Variants in TEKT5 observed in about 807,000 individuals in gnomAD.
TEKT5 encodes the protein tektin 5, also known as tektin-5.
Under a neutral mutation model 48.7 loss-of-function variants are expected in TEKT5, and 52 were observed. That is an observed-to-expected ratio of 1.07 (90% CI 0.86 to 1.35). TEKT5 has a LOEUF of 1.35. Ranked by LOEUF, TEKT5 falls within the 40% of genes most tolerant of loss-of-function variation. The pLI is 0.00. For synonymous variants in TEKT5, 318 were observed against 267.6 expected, an observed-to-expected ratio of 1.19 and a Z score of -1.84; for missense variants, 831 against 641.6, an observed-to-expected ratio of 1.30 and a Z score of -3.19.
At chr16:10,637,742 C>A (rs560586701) in intron 5 of TEKT5, among the ~76,000 whole-genome samples, 1 of 152,204 alleles carries the variant, frequency 6.6e-6, no homozygotes, top group Non-Finnish European at 1.5e-5. Flanking sequence ...CAATGAAAAT[C>A]AGAAAAAGTC....
In TEKT5 at chr16:10,694,851, T is replaced by G; in HGVS notation, c.23A>C (p.Gln8Pro). Residue 8 changes from glutamine (Q) to proline (P), a missense_variant, in exon 1 of 7, where the codon CAG becomes CCG. Physicochemically the swap from Gln to Pro is moderately conservative, Grantham distance 76 (BLOSUM62 -1). Coordinates refer to ENST00000283025, the MANE Select transcript of TEKT5 (RefSeq NM_144674.2). Reference sequence around the variant, plus strand: ...CTTGGGACCACAGTAACTGGCGGTCTGAGTAGTCCCAAGAAACTCCATCCT... The same window carrying G: ...CTTGGGACCACAGTAACTGGCGGTCGGAGTAGTCCCAAGAAACTCCATCCT... MEFLGTT[Q>P]TASYCGPKKC... 3.8e-6 allele frequency: 6 copies of G among 1,572,886 alleles called. No homozygotes were observed. Among genetic ancestry groups the G allele is most frequent in the Non-Finnish European group, 5.2e-6 (6 of 1,162,214 alleles).
chr16:10,662,409 GCAA>G (rs1898389379), intron 5 of TEKT5, among the ~76,000 whole-genome samples: 1 of 152,172 alleles, frequency 6.6e-6, no homozygotes, highest in African/African-American at 2.4e-5. Context: ...TCCTAAGTCA[GCAA>G]CAACGAGGAG....
At chr16:10,692,867 G>A (rs990382518) in intron 1 of TEKT5, 5 of 152,282 alleles carry the variant, frequency 3.3e-5, no homozygotes, top group Non-Finnish European at 5.9e-5. Context: ...ACAGAGAGAG[G>A]AGCCTGGGTC....
chr16:10,646,068 C>A (rs1475737638), intron 5 of TEKT5, among the ~76,000 whole-genome samples: 1 of 151,782 alleles, frequency 6.6e-6, no homozygotes, highest in Admixed American at 6.6e-5. Context: ...AGGTCGAGGT[C>A]GCACTCAGCT....
chr16:10,629,596 A>G (rs997598170), intron 6 of TEKT5, among the ~76,000 whole-genome samples: 14 of 152,148 alleles, frequency 9.2e-5, no homozygotes, highest in Non-Finnish European at 1.5e-4. Context: ...CCTTGTCTAG[A>G]TAAGAGCCTC....
chr16:10,689,516 T>G (rs906088004), intron 2 of TEKT5, among the ~76,000 whole-genome samples, 193 bp from the exon 3 acceptor site: 1 of 122,714 alleles, frequency 8.1e-6, no homozygotes, highest in African/African-American at 3.1e-5. Flanking sequence ...TTGTGGAGGC[T>G]CCACCTTTTT....
chr16:10,674,227 C>T (rs17762887), intron 5 of TEKT5, among the ~76,000 whole-genome samples: 10,020 of 152,136 alleles, frequency 0.066, 488 homozygotes, highest in South Asian at 0.21. Flanking sequence ...GATCTGTTCT[C>T]GGTGGCAACG....
At chr16:10,650,720 C>T (rs1257294972) in intron 5 of TEKT5, among the ~76,000 whole-genome samples, 2 of 151,904 alleles carry the variant, frequency 1.3e-5, no homozygotes, top group African/African-American at 2.4e-5. Flanking sequence ...CCCGTCTCTA[C>T]TAAAAATACA....
At chr16:10,632,881 C>CAT (rs1567223575) in intron 6 of TEKT5, among the ~76,000 whole-genome samples, 1 of 147,392 alleles carries the variant, frequency 6.8e-6, no homozygotes, top group Non-Finnish European at 1.5e-5. Flanking sequence ...CACACACACA[C>CAT]ACACACACAC....
At chr16:10,687,114 G>T (rs957294530) in intron 3 of TEKT5, among the ~76,000 whole-genome samples, 1 of 152,154 alleles carries the variant, frequency 6.6e-6, no homozygotes, top group Non-Finnish European at 1.5e-5. Flanking sequence ...TGGTCAAAGG[G>T]TACAAATTTC....
intron 3 of TEKT5, among the ~76,000 whole-genome samples, chr16:10,686,273 C>G (rs552145330): frequency 9.9e-5 from 15 of 152,206 alleles, no homozygotes; most frequent in Middle Eastern, 3.4e-3. Flanking sequence ...CTATCTCACA[C>G]TGCAGACAAA....
intron 5 of TEKT5, among the ~76,000 whole-genome samples, chr16:10,655,192 G>A (rs745878400): frequency 7.2e-5 from 11 of 151,958 alleles, no homozygotes; most frequent in Non-Finnish European, 1.2e-4. Flanking sequence ...CATGCTGAAC[G>A]GGTAACTCAA....
intron 4 of TEKT5, among the ~76,000 whole-genome samples, chr16:10,679,497 T>G (rs997567301): frequency 6.6e-6 from 1 of 150,904 alleles, no homozygotes; most frequent in Non-Finnish European, 1.5e-5. Flanking sequence ...ATCATTATCA[T>G]CATTGTTAAT....
intron 5 of TEKT5, among the ~76,000 whole-genome samples, chr16:10,656,506 G>C (rs1898265057): frequency 6.6e-6 from 1 of 151,786 alleles, no homozygotes. Flanking sequence ...ACCCGCCTTG[G>C]CCTCCCAAAG....
chr16:10,663,422 C>A (rs540185273), intron 5 of TEKT5, among the ~76,000 whole-genome samples: 23 of 152,282 alleles, frequency 1.5e-4, no homozygotes, highest in African/African-American at 1.9e-4. Context: ...TTCCAAATTG[C>A]ATGAAGCCAA....
chr16:10,682,665 C>T (rs1167618990), intron 3 of TEKT5, among the ~76,000 whole-genome samples: 2 of 152,198 alleles, frequency 1.3e-5, no homozygotes, highest in Non-Finnish European at 2.9e-5. Context: ...TAAGCACTTA[C>T]CGTAAAGGGT....
intron 6 of TEKT5, among the ~76,000 whole-genome samples, chr16:10,630,836 T>C (rs1265249028): frequency 6.6e-6 from 1 of 151,594 alleles, no homozygotes; most frequent in Non-Finnish European, 1.5e-5. Flanking sequence ...CTGGTCAACA[T>C]GGTGGCAAAA....
intron 5 of TEKT5, 144 bp from the exon 6 acceptor site, chr16:10,636,062 C>A (rs755040425): frequency 3.1e-6 from 4 of 1,291,286 alleles, no homozygotes; most frequent in African/African-American, 3.0e-5. Flanking sequence ...ACCTTTAGGG[C>A]AGGAAGCTCA....
chr16:10,676,193 C>A lies in TEKT5; in HGVS notation c.864-12G>T. The A allele has an allele frequency of 6.2e-7, 1 of 1,613,838 alleles. No individual in the cohort carries two copies. Among genetic ancestry groups the A allele is most frequent in the Non-Finnish European group, 8.5e-7 (1 of 1,179,754 alleles). ...CAGGTACGGAGATCCTGCAAAGGCA[C>A]AAGGGTGAGTTGCAGCAGTCCTGGA... On this transcript the variant is annotated splice_polypyrimidine_tract_variant and intron_variant, in intron 4 of 6. Transcript: ENST00000283025.
Sources: gnomAD v4.1 joint callset for allele counts (sites outside exome capture counted in the v4.1 genomes callset) on GRCh38, gnomAD v4.1.1 for gene constraint, MANE v1.5 for transcripts, NCBI Gene and HGNC (gene_info 2026-07-23, HGNC 2026-07-21) for gene names.